Variants in LMBR1 observed in about 807,000 individuals in gnomAD.
LMBR1 encodes limb development membrane protein 1, also known as limb region 1 protein homolog.
In LMBR1, 52 loss-of-function variants were observed where a neutral mutation model predicts 73.9. The ratio of observed to expected loss-of-function variants is 0.70; its 90% CI spans 0.56 to 0.89. The LOEUF (loss-of-function observed/expected upper bound fraction) is 0.89, where lower values mean the gene tolerates loss of function less well. LMBR1 is among the 40% of genes least tolerant of loss of function. The pLI is 0.00. For missense variants in LMBR1, 539 were observed against 579.8 expected, an observed-to-expected ratio of 0.93 and a Z score of 0.72; for synonymous variants, 215 against 209.4, an observed-to-expected ratio of 1.03 and a Z score of -0.23.
At chr7:156,889,411 T>C (rs1273743828) in intron 1 of LMBR1, among the ~76,000 whole-genome samples, 1 of 152,216 alleles carries the variant, frequency 6.6e-6, no homozygotes, top group Non-Finnish European at 1.5e-5. Flanking sequence ...AATTATAGCA[T>C]TATGTAGCAA....
At chr7:156,771,513 C>T (rs542223077) in intron 5 of LMBR1, among the ~76,000 whole-genome samples, 1 of 152,206 alleles carries the variant, frequency 6.6e-6, no homozygotes, top group East Asian at 1.9e-4. Context: ...GGGAAACATA[C>T]AGCCTCCCAA....
chr7:156,710,650 A>C (rs971272235), intron 15 of LMBR1, among the ~76,000 whole-genome samples: 1 of 152,256 alleles, frequency 6.6e-6, no homozygotes, highest in African/African-American at 2.4e-5. Flanking sequence ...GCAAATGTCC[A>C]AATACAAAAA....
chr7:156,748,723 A>T (rs1351958811), intron 9 of LMBR1, among the ~76,000 whole-genome samples: 1 of 152,148 alleles, frequency 6.6e-6, no homozygotes, highest in African/African-American at 2.4e-5. Flanking sequence ...TCCTTACCTC[A>T]GGTGATCTGC....
chr7:156,756,475 A>C lies in LMBR1; in HGVS notation c.685-10T>G. On this transcript the variant is annotated splice_polypyrimidine_tract_variant and intron_variant, in intron 8 of 16. Transcript: ENST00000353442. ...CCAGGTCTTCAAGAATCTAAATTTAAAGATAAAACTATTCAATAATTCAAC... is the reference window on the plus strand; with the variant it reads ...CCAGGTCTTCAAGAATCTAAATTTACAGATAAAACTATTCAATAATTCAAC... The C allele has an allele frequency of 8.1e-7, 1 of 1,239,284 alleles. No homozygotes were observed. Among genetic ancestry groups the C allele is most frequent in the Non-Finnish European group, 1.2e-6 (1 of 857,964 alleles). The allele number at this position is 1,239,284 out of a possible 1,614,324, so 76.8% of individuals were successfully genotyped here.
rs59294523 is a variant in LMBR1 at position 156,812,157 on chromosome 7, G to A, written c.319+14448C>T. ...TGTTCTGAGTGAACCTGAATTTTGG[G>A]GGAACACGATACTACTCACCTCAGT... On this transcript the variant is annotated intron_variant, in intron 4 of 16. Coordinates refer to ENST00000353442, the MANE Select transcript of LMBR1 (RefSeq NM_022458.4). Among the ~76,000 whole-genome samples the A allele has an allele frequency of 6.6e-3, 1,010 of 152,234 alleles. 12 individuals are homozygous for A. Among genetic ancestry groups the A allele is most frequent in the African/African-American group, 0.023 (946 of 41,524 alleles).
At chr7:156,857,360 A>G (rs1308472042) in intron 1 of LMBR1, among the ~76,000 whole-genome samples, 1 of 152,220 alleles carries the variant, frequency 6.6e-6, no homozygotes, top group Non-Finnish European at 1.5e-5. Context: ...GGCAGACTTC[A>G]GAGCAAAGAA....
chr7:156,833,547 C>T (rs1188276874), intron 3 of LMBR1: 2 of 520,794 alleles, frequency 3.8e-6, no homozygotes, highest in Non-Finnish European at 6.6e-6. Context: ...TAAAATCTGT[C>T]AGCTCCTTAA....
chr7:156,718,848 CG>C (rs1813815098), intron 15 of LMBR1, among the ~76,000 whole-genome samples: 1 of 150,326 alleles, frequency 6.7e-6, no homozygotes, highest in Non-Finnish European at 1.5e-5. Flanking sequence ...TTAACTGTAA[CG>C]TTTTTCAAGT....
At chr7:156,773,072 C>T (rs1825497365) in intron 5 of LMBR1, among the ~76,000 whole-genome samples, 1 of 151,554 alleles carries the variant, frequency 6.6e-6, no homozygotes, top group African/African-American at 2.4e-5. Flanking sequence ...CAATAACATC[C>T]AAGAATGGCC....
At chr7:156,758,816 G>C (rs1355197520) in intron 8 of LMBR1, among the ~76,000 whole-genome samples, 2 of 152,142 alleles carry the variant, frequency 1.3e-5, no homozygotes, top group African/African-American at 4.8e-5. Flanking sequence ...ATGCATAATA[G>C]ACTAATGCAG....
chr7:156,700,746 G>C (rs1809497729), intron 15 of LMBR1, among the ~76,000 whole-genome samples: 1 of 152,088 alleles, frequency 6.6e-6, no homozygotes. Flanking sequence ...GTGCCAACCT[G>C]TGCCTGTTAC....
intron 9 of LMBR1, among the ~76,000 whole-genome samples, chr7:156,750,976 G>C (rs1255922193): frequency 2.6e-5 from 4 of 151,934 alleles, no homozygotes; most frequent in African/African-American, 9.7e-5. Context: ...CGGGTATGGT[G>C]GTGGGCGCCT....
At chr7:156,857,864 A>C (rs984158985) in intron 1 of LMBR1, among the ~76,000 whole-genome samples, 1 of 152,188 alleles carries the variant, frequency 6.6e-6, no homozygotes, top group African/African-American at 2.4e-5. Flanking sequence ...TCATCAAAGA[A>C]GTCTCAAAAC....
chr7:156,810,204 C>T (rs56319022), intron 4 of LMBR1, among the ~76,000 whole-genome samples: 37,015 of 152,044 alleles, frequency 0.24, 5,047 homozygotes, highest in East Asian at 0.42. Flanking sequence ...CTGGCATATG[C>T]AGAGATCACA....
intron 1 of LMBR1, among the ~76,000 whole-genome samples, chr7:156,856,960 T>G (rs1454578272): frequency 1.3e-5 from 2 of 152,114 alleles, no homozygotes; most frequent in Non-Finnish European, 2.9e-5. Context: ...GAAGGTAGAT[T>G]ACTTGCAAAT....
At chr7:156,834,162 AG>A (rs946844695) in intron 2 of LMBR1, among the ~76,000 whole-genome samples, 3 of 152,196 alleles carry the variant, frequency 2.0e-5, no homozygotes, top group Non-Finnish European at 4.4e-5. Context: ...AGCCAACAAA[AG>A]TTACTATAAA....
intron 5 of LMBR1, among the ~76,000 whole-genome samples, chr7:156,765,373 T>C (rs1406034173): frequency 6.6e-6 from 1 of 152,184 alleles, no homozygotes; most frequent in Non-Finnish European, 1.5e-5. Context: ...CCGCTGGCAC[T>C]CATTCTCTCT....
intron 7 of LMBR1, 95 bp from the exon 8 acceptor site, chr7:156,762,293 G>C: frequency 1.3e-6 from 1 of 771,714 alleles, no homozygotes; most frequent in South Asian, 1.6e-5. Flanking sequence ...GGAAATTCAA[G>C]GATTATCATT....
chr7:156,877,743 C>T (rs1209070122), intron 1 of LMBR1, among the ~76,000 whole-genome samples: 2 of 151,974 alleles, frequency 1.3e-5, no homozygotes, highest in African/African-American at 2.4e-5. Flanking sequence ...ATTAGCTGGG[C>T]GCGGTGGCAG....
Sources: gnomAD v4.1 joint callset for allele counts (sites outside exome capture counted in the v4.1 genomes callset) on GRCh38, gnomAD v4.1.1 for gene constraint, MANE v1.5 for transcripts, NCBI Gene and HGNC (gene_info 2026-07-23, HGNC 2026-07-21) for gene names.